Variants in PPFIA2 observed in about 807,000 individuals in gnomAD.
PPFIA2 encodes PPFI scaffold protein A2.
In PPFIA2, 46 loss-of-function variants were observed where a neutral mutation model predicts 175.5. That is an observed-to-expected ratio of 0.26 (90% CI 0.21 to 0.34). The LOEUF (loss-of-function observed/expected upper bound fraction) is 0.34. Ranked by LOEUF, PPFIA2 falls within the 10% of genes least tolerant of loss-of-function variation. The pLI is 1.00. For synonymous variants in PPFIA2, 568 were observed against 511.4 expected (o/e 1.11, Z -1.49); for missense variants, 1,179 against 1,506.1 (o/e 0.78, Z 3.60).
At chr12:81,665,051 G>A (rs979091783) in intron 4 of PPFIA2, among the ~76,000 whole-genome samples, 10 of 151,852 alleles carry the variant, frequency 6.6e-5, no homozygotes, top group Admixed American at 6.6e-5. Flanking sequence ...GTGGGGGCAG[G>A]GGGGAGGGAT....
chr12:81,707,067 C>A (rs1405964706), intron 3 of PPFIA2, among the ~76,000 whole-genome samples: 1 of 151,984 alleles, frequency 6.6e-6, no homozygotes, highest in Non-Finnish European at 1.5e-5. Flanking sequence ...TCATAAAAAC[C>A]CTAGAAAAAA....
chr12:81,360,255 G>T (rs922758523), intron 15 of PPFIA2, among the ~76,000 whole-genome samples: 2 of 151,700 alleles, frequency 1.3e-5, no homozygotes, highest in African/African-American at 4.8e-5. Context: ...ATCATTCTAG[G>T]TGTTCAGTAT....
At chr12:81,658,209 GGT>G (rs2068090263) in intron 4 of PPFIA2, among the ~76,000 whole-genome samples, 1 of 150,664 alleles carries the variant, frequency 6.6e-6, no homozygotes, top group Non-Finnish European at 1.5e-5. Context: ...CAGAGGTTGT[GGT>G]GAGCCCAGAT....
chr12:81,590,432 C>T (rs11114924), intron 4 of PPFIA2, among the ~76,000 whole-genome samples: 18,189 of 152,084 alleles, frequency 0.12, 1,144 homozygotes, highest in South Asian at 0.16. Context: ...TGATGCTATC[C>T]ATATACTAAT....
At chr12:81,484,444 G>A (rs1242678670) in intron 4 of PPFIA2, among the ~76,000 whole-genome samples, 1 of 151,702 alleles carries the variant, frequency 6.6e-6, no homozygotes, top group Non-Finnish European at 1.5e-5. Context: ...GACTGTGGGA[G>A]GCAGAAATAC....
chr12:81,272,623 A>G (rs536351039), intron 28 of PPFIA2, among the ~76,000 whole-genome samples: 65 of 152,126 alleles, frequency 4.3e-4, no homozygotes, highest in Non-Finnish European at 8.2e-4. Context: ...TCAACTATGG[A>G]TATGTTTCTT....
At chr12:81,578,927 C>T (rs2074003661) in intron 4 of PPFIA2, among the ~76,000 whole-genome samples, 2 of 151,852 alleles carry the variant, frequency 1.3e-5, no homozygotes, top group Admixed American at 6.6e-5. Flanking sequence ...CACTAATCAA[C>T]ATCAATAATT....
At chr12:81,572,232 C>T (rs995029512) in intron 4 of PPFIA2, among the ~76,000 whole-genome samples, 2 of 151,984 alleles carry the variant, frequency 1.3e-5, no homozygotes, top group Admixed American at 6.6e-5. Context: ...ACACAATCTG[C>T]TTGACCCATG....
chr12:81,677,201 A>C (rs2072697910), intron 3 of PPFIA2, among the ~76,000 whole-genome samples: 1 of 151,426 alleles, frequency 6.6e-6, no homozygotes, highest in Admixed American at 6.6e-5. Context: ...GTTTAACCTA[A>C]AAATATTTAA....
At chr12:81,284,147 T>C in intron 25 of PPFIA2, 94 bp downstream of exon 25, 1 of 976,448 alleles carries the variant, frequency 1.0e-6, no homozygotes, top group South Asian at 1.4e-5. Flanking sequence ...AAACACACCC[T>C]ATTACTCTGG....
intron 4 of PPFIA2, among the ~76,000 whole-genome samples, chr12:81,628,537 T>C (rs541288413): frequency 2.0e-4 from 30 of 152,126 alleles, no homozygotes; most frequent in African/African-American, 6.7e-4. Context: ...CCACCATGTC[T>C]GGCTGATTGC....
intron 15 of PPFIA2, among the ~76,000 whole-genome samples, chr12:81,359,439 G>A (rs888643943): frequency 6.6e-6 from 1 of 150,888 alleles, no homozygotes; most frequent in South Asian, 2.1e-4. Context: ...TCATGGATAA[G>A]TTACATTTAA....
intron 5 of PPFIA2, among the ~76,000 whole-genome samples, chr12:81,449,320 T>A (rs926716625): frequency 6.6e-6 from 1 of 152,286 alleles, no homozygotes; most frequent in South Asian, 2.1e-4. Context: ...GAAGCAAGCA[T>A]ATTATATCAA....
At chr12:81,372,688 C>A (rs1041654018) in intron 11 of PPFIA2, among the ~76,000 whole-genome samples, 18 of 150,574 alleles carry the variant, frequency 1.2e-4, no homozygotes, top group African/African-American at 4.1e-4. Context: ...AGGATAAAAT[C>A]TCAGTACTTA....
chr12:81,691,204 C>T (rs1324661573), intron 3 of PPFIA2, among the ~76,000 whole-genome samples: 1 of 152,132 alleles, frequency 6.6e-6, no homozygotes, highest in Non-Finnish European at 1.5e-5. Context: ...ATTAAACTTT[C>T]TTGACCAGCC....
chr12:81,697,677 T>C (rs2076046035), intron 3 of PPFIA2, among the ~76,000 whole-genome samples: 1 of 152,142 alleles, frequency 6.6e-6, no homozygotes, highest in Non-Finnish European at 1.5e-5. Context: ...TTTTCCAAAA[T>C]GTTACAAATG....
intron 4 of PPFIA2, among the ~76,000 whole-genome samples, chr12:81,607,619 T>C (rs902055079): frequency 6.6e-6 from 1 of 152,090 alleles, no homozygotes; most frequent in African/African-American, 2.4e-5. Flanking sequence ...ATGTATAGAA[T>C]TGCTACTGAT....
At chr12:81,495,572 A>T (rs1005118944) in intron 4 of PPFIA2, among the ~76,000 whole-genome samples, 8 of 152,174 alleles carry the variant, frequency 5.3e-5, no homozygotes, top group African/African-American at 1.9e-4. Flanking sequence ...TGGGAGACTC[A>T]GGCAGAAGGA....
chr12:81,477,873 T>TA (rs1423148517), intron 4 of PPFIA2, among the ~76,000 whole-genome samples: 3 of 150,812 alleles, frequency 2.0e-5, no homozygotes, highest in Non-Finnish European at 4.4e-5. Context: ...TTTTTTTTTT[T>TA]AATTGTTGGA....
Sources: allele counts gnomAD v4.1 joint callset (sites outside exome capture counted in the v4.1 genomes callset), GRCh38; gene constraint gnomAD v4.1.1; transcripts MANE v1.5; gene names NCBI Gene and HGNC (gene_info 2026-07-23, HGNC 2026-07-21).